Variants in NLGN1 observed in about 807,000 individuals in gnomAD.
The protein encoded by NLGN1 is neuroligin-1.
A neutral mutation model predicts 65.5 loss-of-function variants in NLGN1; 12 were observed. The observed-to-expected ratio is 0.18, with a 90% confidence interval of 0.12 to 0.30. The LOEUF (loss-of-function observed/expected upper bound fraction) is 0.30, where lower values mean the gene tolerates loss of function less well. NLGN1 is among the 10% of genes least tolerant of loss of function. The pLI is 1.00. For synonymous variants in NLGN1, 350 were observed against 359.5 expected (o/e 0.97, Z 0.30); for missense variants, 750 against 1,007.1 (o/e 0.74, Z 3.46).
chr3:173,945,882 T>A (rs1747052858), intron 4 of NLGN1, among the ~76,000 whole-genome samples: 1 of 152,184 alleles, frequency 6.6e-6, no homozygotes, highest in African/African-American at 2.4e-5. Context: ...TGAGTTGCAA[T>A]CTCCCTGTGA....
chr3:173,519,271 A>T (rs1010332993), intron 2 of NLGN1, among the ~76,000 whole-genome samples: 1 of 152,208 alleles, frequency 6.6e-6, no homozygotes, highest in African/African-American at 2.4e-5. Context: ...CTAGGGCAGC[A>T]TGGTGGGGAA....
chr3:173,832,454 G>A (rs887241426), intron 4 of NLGN1, among the ~76,000 whole-genome samples: 4 of 152,196 alleles, frequency 2.6e-5, no homozygotes, highest in African/African-American at 4.8e-5. Flanking sequence ...GTAGCCATCC[G>A]AAGTCTTATA....
At chr3:173,455,315 C>G (rs535197548) in intron 2 of NLGN1, among the ~76,000 whole-genome samples, 1 of 152,124 alleles carries the variant, frequency 6.6e-6, no homozygotes, top group African/African-American at 2.4e-5. Flanking sequence ...ACCGTGAAAT[C>G]TCATGTGAAA....
chr3:173,472,232 C>T (rs1464238855), intron 2 of NLGN1, among the ~76,000 whole-genome samples: 1 of 152,132 alleles, frequency 6.6e-6, no homozygotes, highest in Non-Finnish European at 1.5e-5. Flanking sequence ...GTGGTAATAT[C>T]TCTTAAAATT....
chr3:174,067,925 A>G (rs1738994331), intron 4 of NLGN1, among the ~76,000 whole-genome samples: 1 of 152,198 alleles, frequency 6.6e-6, no homozygotes, highest in Non-Finnish European at 1.5e-5. Flanking sequence ...TTCTACGAAT[A>G]GCATACCCTA....
chr3:174,013,446 A>C (rs968507828), intron 4 of NLGN1, among the ~76,000 whole-genome samples: 2 of 152,226 alleles, frequency 1.3e-5, no homozygotes, highest in Admixed American at 6.5e-5. Flanking sequence ...GCAAAATAAT[A>C]ATATTTTAAT....
intron 2 of NLGN1, among the ~76,000 whole-genome samples, chr3:173,435,264 A>C (rs910561424): frequency 1.3e-5 from 2 of 152,204 alleles, no homozygotes; most frequent in African/African-American, 4.8e-5. Context: ...TATGCAGTAT[A>C]GTTTTGACAA....
At chr3:174,209,623 C>CTTTCTTT (rs1736063402) in intron 4 of NLGN1, among the ~76,000 whole-genome samples, 1 of 82,090 alleles carries the variant, frequency 1.2e-5, no homozygotes, top group Non-Finnish European at 2.4e-5. Flanking sequence ...ACCTTTCTTT[C>CTTTCTTT]TTTTTTTTTT....
intron 3 of NLGN1, chr3:173,800,265 T>C (rs936405008): frequency 3.0e-5 from 27 of 888,406 alleles, no homozygotes; most frequent in Middle Eastern, 2.7e-4. Flanking sequence ...TTTTTTTTTT[T>C]CCTCCATTTC....
rs192587845 is a variant in NLGN1 at position 173,609,782 on chromosome 3, C to G, written c.493+4691C>G. ...TTGTAAATGATGAACACAATAAAAA[C>G]TAAATTAAAAAGGTGTGAGAGGGTG... On this transcript the variant is annotated intron_variant, in intron 3 of 6. Coordinates refer to ENST00000457714, the Ensembl canonical transcript of NLGN1. Among the ~76,000 whole-genome samples the G allele has an allele frequency of 2.6e-5, 4 of 151,792 alleles. No homozygotes were observed. In the East Asian group the frequency reaches 7.8e-4, roughly 29 times the overall value.
intron 2 of NLGN1, among the ~76,000 whole-genome samples, chr3:173,522,125 C>G (rs538824215): frequency 6.6e-6 from 1 of 152,318 alleles, no homozygotes; most frequent in South Asian, 2.1e-4. Flanking sequence ...TTGAAGTCCC[C>G]AGTGTCTACT....
chr3:173,567,619 T>C (rs902410165), intron 2 of NLGN1, among the ~76,000 whole-genome samples: 1 of 151,362 alleles, frequency 6.6e-6, no homozygotes, highest in Admixed American at 6.6e-5. Flanking sequence ...TTATATAATA[T>C]AATAAAATAA....
intron 4 of NLGN1, among the ~76,000 whole-genome samples, chr3:174,138,424 TCTA>T (rs1721613226): frequency 6.7e-6 from 1 of 150,246 alleles, no homozygotes; most frequent in Admixed American, 6.6e-5. Context: ...AGTACTGCTT[TCTA>T]CTATTCTTTT....
chr3:173,946,603 A>G (rs1747201321), intron 4 of NLGN1, among the ~76,000 whole-genome samples: 1 of 152,202 alleles, frequency 6.6e-6, no homozygotes, highest in Non-Finnish European at 1.5e-5. Flanking sequence ...ATACCTAGCC[A>G]TGATATTATT....
chr3:173,446,169 C>G (rs1032584672), intron 2 of NLGN1, among the ~76,000 whole-genome samples: 15 of 151,720 alleles, frequency 9.9e-5, no homozygotes, highest in African/African-American at 3.6e-4. Flanking sequence ...CACCCATCAA[C>G]TTGTCATTTA....
At chr3:174,153,361 G>A (rs1379065802) in intron 4 of NLGN1, among the ~76,000 whole-genome samples, 2 of 152,064 alleles carry the variant, frequency 1.3e-5, no homozygotes, top group Non-Finnish European at 2.9e-5. Context: ...TGAAACAAAC[G>A]TGAAGGTGGA....
At chr3:173,886,355 C>G (rs182915569) in intron 4 of NLGN1, among the ~76,000 whole-genome samples, 1 of 152,026 alleles carries the variant, frequency 6.6e-6, no homozygotes, top group East Asian at 1.9e-4. Context: ...TACATGAACA[C>G]TGCCTTTCAA....
At chr3:173,412,470 A>T (rs1712779475) in intron 1 of NLGN1, among the ~76,000 whole-genome samples, 1 of 152,186 alleles carries the variant, frequency 6.6e-6, no homozygotes, top group East Asian at 1.9e-4. Context: ...TCCTGAAAGG[A>T]AAATAGAATG....
intron 4 of NLGN1, among the ~76,000 whole-genome samples, chr3:173,851,648 T>C (rs542956945): frequency 1.3e-5 from 2 of 152,194 alleles, no homozygotes; most frequent in Non-Finnish European, 1.5e-5. Flanking sequence ...TTTCTTTTGA[T>C]AATATTATCC....
Sources: gnomAD v4.1 joint callset for allele counts (sites outside exome capture counted in the v4.1 genomes callset) on GRCh38, gnomAD v4.1.1 for gene constraint, MANE v1.5 for transcripts, NCBI Gene and HGNC (gene_info 2026-07-23, HGNC 2026-07-21) for gene names.